The following WDR70 variants were observed in gnomAD, a reference collection of about 807,000 sequenced individuals.
The protein encoded by WDR70 is WD repeat domain 70.
WDR70 carries 53 observed loss-of-function variants against 88.6 expected under a neutral mutation model. That is an observed-to-expected ratio of 0.60 (90% CI 0.48 to 0.75). WDR70 has a LOEUF of 0.75. WDR70 is among the 30% of genes least tolerant of loss of function. The pLI, the probability that WDR70 is intolerant of heterozygous loss-of-function variation, is 0.00. For missense variants in WDR70, 610 were observed against 823.2 expected (o/e 0.74, Z 3.17); for synonymous variants, 280 against 270.0 (o/e 1.04, Z -0.36).
At chr5:37,651,473 AATACCCAGTAATGGGAT>A (rs1340304533) in intron 10 of WDR70, among the ~76,000 whole-genome samples, 1 of 152,134 alleles carries the variant, frequency 6.6e-6, no homozygotes, top group Non-Finnish European at 1.5e-5. Flanking sequence ...CCTTTGGGTA[AATACCCAGTAATGGGAT>A]TGCTGGGTCA....
At chr5:37,739,461 A>G (rs2112727958) in intron 17 of WDR70, among the ~76,000 whole-genome samples, 1 of 152,326 alleles carries the variant, frequency 6.6e-6, no homozygotes, top group Non-Finnish European at 1.5e-5. Context: ...GAGGTATAAA[A>G]TTCTGAAAGA....
chr5:37,445,748 G>C (rs1224859140), intron 7 of WDR70, among the ~76,000 whole-genome samples: 1 of 152,114 alleles, frequency 6.6e-6, no homozygotes, highest in African/African-American at 2.4e-5. Context: ...AGCCCTTCAT[G>C]CTAAAAACTC....
intron 9 of WDR70, among the ~76,000 whole-genome samples, chr5:37,557,456 C>A (rs993833859): frequency 3.3e-5 from 5 of 152,162 alleles, no homozygotes; most frequent in African/African-American, 1.2e-4. Context: ...GTGTTACCAA[C>A]CACTTGCTAT....
At chr5:37,460,470 C>T (rs551202411) in intron 7 of WDR70, among the ~76,000 whole-genome samples, 1 of 54,152 alleles carries the variant, frequency 1.8e-5, no homozygotes, top group African/African-American at 5.4e-5. Context: ...TATTCTCACT[C>T]ATAGGTGGGA....
chr5:37,639,932 C>A (rs759318837), intron 10 of WDR70, among the ~76,000 whole-genome samples: 1 of 152,160 alleles, frequency 6.6e-6, no homozygotes, highest in Non-Finnish European at 1.5e-5. Context: ...CCACAGCTCA[C>A]TGAAATTGGT....
intron 9 of WDR70, among the ~76,000 whole-genome samples, chr5:37,597,205 TTAAG>T (rs1168960913): frequency 3.9e-5 from 6 of 152,216 alleles, no homozygotes; most frequent in African/African-American, 1.4e-4. Flanking sequence ...TTCATTTATC[TTAAG>T]TAACACTTAG....
intron 9 of WDR70, among the ~76,000 whole-genome samples, chr5:37,599,847 C>T (rs903940222): frequency 7.9e-5 from 12 of 151,184 alleles, no homozygotes; most frequent in African/African-American, 1.9e-4. Flanking sequence ...GAGCCGAGAT[C>T]GTCCTGCTGT....
intron 7 of WDR70, among the ~76,000 whole-genome samples, chr5:37,468,720 G>A (rs34871356): frequency 0.86 from 130,112 of 152,170 alleles, 59,239 homozygotes; most frequent in East Asian, 1. Flanking sequence ...TGTTTATTAA[G>A]CCATCCAAGG....
chr5:37,498,738 C>T (rs1258456254), intron 8 of WDR70, among the ~76,000 whole-genome samples: 3 of 152,168 alleles, frequency 2.0e-5, no homozygotes, highest in East Asian at 3.9e-4. Flanking sequence ...TCCCTCACAC[C>T]CCACATCTGT....
rs748303237 is a variant in WDR70 at position 37,521,736 on chromosome 5, ACACACC to A, written c.917+5151_917+5156del. Among the ~76,000 whole-genome samples, 12 of 139,340 alleles carry A rather than the reference ACACACC, an allele frequency of 8.6e-5. No homozygotes were observed. In the South Asian group the frequency reaches 9.0e-4, roughly 10 times the overall value. The allele number at this position is 139,340 out of a possible 152,430, so 91.4% of individuals were successfully genotyped here. A position where few individuals can be genotyped will look rare whatever the true frequency, so the allele number is the denominator to read the frequency against. On this transcript the variant is annotated intron_variant, in intron 9 of 17. Transcript: ENST00000265107. ...CACACACACACACACACACACACACACACACCCACATGTTCTTTATCAACTTGTTGA... is the reference window on the plus strand; with the variant it reads ...CACACACACACACACACACACACACACACATGTTCTTTATCAACTTGTTGA...
At chr5:37,554,682 A>G (rs952781796) in intron 9 of WDR70, among the ~76,000 whole-genome samples, 46 of 149,870 alleles carry the variant, frequency 3.1e-4, no homozygotes, top group African/African-American at 1.0e-3. Flanking sequence ...CTGCACGCAC[A>G]CACACACACA....
intron 17 of WDR70, among the ~76,000 whole-genome samples, chr5:37,746,480 A>T (rs1441509216): frequency 6.6e-6 from 1 of 152,212 alleles, no homozygotes; most frequent in African/African-American, 2.4e-5. Flanking sequence ...CAACAAATCC[A>T]GGAGCTGGTG....
At chr5:37,510,305 C>G (rs1236824068) in intron 8 of WDR70, among the ~76,000 whole-genome samples, 1 of 152,050 alleles carries the variant, frequency 6.6e-6, no homozygotes, top group Non-Finnish European at 1.5e-5. Flanking sequence ...TCCTATCCCA[C>G]CTGTATATAC....
intron 9 of WDR70, among the ~76,000 whole-genome samples, chr5:37,580,373 A>T (rs1208210673): frequency 6.6e-6 from 1 of 152,292 alleles, no homozygotes; most frequent in East Asian, 1.9e-4. Context: ...TCTGGGTCAG[A>T]AGATAAAGAG....
intron 9 of WDR70, among the ~76,000 whole-genome samples, chr5:37,590,884 G>C (rs1390078221): frequency 4.0e-5 from 6 of 151,524 alleles, no homozygotes; most frequent in Admixed American, 3.9e-4. Context: ...AACCAAAACA[G>C]AACAAAAATC....
At chr5:37,472,056 A>G (rs1262298994) in intron 7 of WDR70, among the ~76,000 whole-genome samples, 1 of 151,974 alleles carries the variant, frequency 6.6e-6, no homozygotes, top group Non-Finnish European at 1.5e-5. Context: ...CCCTTTATCA[A>G]ATTAAGAACT....
At chr5:37,562,888 T>C (rs541065395) in intron 9 of WDR70, among the ~76,000 whole-genome samples, 1 of 151,596 alleles carries the variant, frequency 6.6e-6, no homozygotes, top group East Asian at 2.0e-4. Context: ...TCTCAATCTT[T>C]TCCCCACCTT....
rs186043078 is a variant in WDR70 at position 37,746,516 on chromosome 5, A to G, written c.1878-5970A>G. ...TTTTGAAAACATTAACAAAATAGAT[A>G]AACTGCTAGCTAGACTAATAAGAAG... On this transcript the variant is annotated intron_variant, in intron 17 of 17. Coordinates refer to ENST00000265107, the MANE Select transcript of WDR70 (RefSeq NM_018034.4). Among the ~76,000 whole-genome samples the G allele has an allele frequency of 1.1e-4, 17 of 152,310 alleles. No homozygotes were observed. In the East Asian group the frequency reaches 2.9e-3, roughly 26 times the overall value.
At chr5:37,420,784 C>T (rs1749923370) in intron 5 of WDR70, among the ~76,000 whole-genome samples, 1 of 151,986 alleles carries the variant, frequency 6.6e-6, no homozygotes, top group African/African-American at 2.4e-5. Context: ...TGTGCTGGTA[C>T]GTGCCTGTAG....
Sources: gnomAD v4.1 joint callset for allele counts (sites outside exome capture counted in the v4.1 genomes callset) on GRCh38, gnomAD v4.1.1 for gene constraint, MANE v1.5 for transcripts, NCBI Gene and HGNC (gene_info 2026-07-23, HGNC 2026-07-21) for gene names.